MVK: variants seen among roughly 807,000 people sequenced by gnomAD.
The protein encoded by MVK is mevalonate kinase.
A neutral mutation model predicts 43.2 loss-of-function variants in MVK; 34 were observed. That is an observed-to-expected ratio of 0.79 (90% CI 0.60 to 1.05). The LOEUF is 1.05. MVK is among the 50% of genes least tolerant of loss of function. MVK has a pLI of 0.00. For missense variants in MVK, 395 were observed against 504.0 expected (o/e 0.78, Z 2.07); for synonymous variants, 190 against 219.8 (o/e 0.86, Z 1.20).
rs78185249 is a variant in MVK, at chr12:109,576,251, G to A, written c.226+106G>A. On this transcript the variant is annotated intron_variant, in intron 3 of 10. Coordinates refer to ENST00000228510, the MANE Select transcript of MVK (RefSeq NM_000431.4). The stretch of plus-strand genomic sequence containing the variant: ...GGGAGCCAGGGGCCAGCTATTTCCC[G>A]GGTGTTTTCTACCCTGACCTCATAA... The A allele has an allele frequency of 2.3e-3, 3,337 of 1,428,354 alleles. 85 individuals carry two copies. The African/African-American group carries it at 0.043, about 18-fold the overall frequency. 88.5% of individuals were successfully genotyped at this position (1,428,354 alleles called of 1,614,324 possible).
chr12:109,579,234 G>T, intron 3 of MVK: 1 of 445,358 alleles, frequency 2.2e-6, no homozygotes, highest in Non-Finnish European at 4.5e-6. Flanking sequence ...CAACCTCCTG[G>T]GCTCAAGCGA....
At chr12:109,582,023 G>T (rs1885239876) in intron 5 of MVK, among the ~76,000 whole-genome samples, 1 of 152,202 alleles carries the variant, frequency 6.6e-6, no homozygotes, top group Non-Finnish European at 1.5e-5. Context: ...ACATTAGGGG[G>T]TGTGCCCATT....
chr12:109,591,523 AT>A (rs561417529), intron 9 of MVK, among the ~76,000 whole-genome samples, 166 bp downstream of exon 9: 1 of 152,222 alleles, frequency 6.6e-6, no homozygotes, highest in Non-Finnish European at 1.5e-5. Flanking sequence ...TGCGTGCCAT[AT>A]AAGCGTATCT....
intron 5 of MVK, among the ~76,000 whole-genome samples, chr12:109,582,402 T>C (rs1213670557): frequency 6.6e-6 from 1 of 152,142 alleles, no homozygotes; most frequent in African/African-American, 2.4e-5. Flanking sequence ...AGTGGTGTGA[T>C]CTTGGCTCAC....
chr12:109,596,981 A>C lies in MVK; in HGVS notation c.*404A>C, dbSNP rs907709637. ...GTGCCTTCTCTCTCCCTTTTCAGGGACCGCCCCCTGTCTCTCAGGGCCAGG... is the reference window on the plus strand; with the variant it reads ...GTGCCTTCTCTCTCCCTTTTCAGGGCCCGCCCCCTGTCTCTCAGGGCCAGG... On this transcript the variant is annotated 3_prime_UTR_variant, in exon 11 of 11. Transcript: ENST00000228510. 3.5e-6 allele frequency: 1 copy of C among 282,476 alleles called. No homozygotes were observed. The highest frequency in any genetic ancestry group is 3.5e-5 in the South Asian group (1 of 28,580). 17.5% of individuals were successfully genotyped at this position (282,476 alleles called of 1,614,324 possible). A position where few individuals can be genotyped will look rare whatever the true frequency, so the allele number is the denominator to read the frequency against.
At chr12:109,581,973 A>G (rs1206426480) in intron 5 of MVK, among the ~76,000 whole-genome samples, 1 of 152,212 alleles carries the variant, frequency 6.6e-6, no homozygotes, top group South Asian at 2.1e-4. Flanking sequence ...CAGTTTTACC[A>G]CATGGTTATG....
chr12:109,575,677 C>G (rs565917829), intron 2 of MVK, among the ~76,000 whole-genome samples: 14 of 152,286 alleles, frequency 9.2e-5, no homozygotes, highest in African/African-American at 3.4e-4. Flanking sequence ...TATGAGCCAC[C>G]ACACCTGGCT....
In MVK at chr12:109,576,325, A is replaced by G. The variant is rs60942603; in HGVS notation, c.226+180A>G. Among the ~76,000 whole-genome samples the G allele has an allele frequency of 0.014, 2,101 of 152,294 alleles. 50 individuals carry two copies. Among genetic ancestry groups the G allele is most frequent in the African/African-American group, 0.049 (2,030 of 41,550 alleles). ...TTTTAAAATTTATAGGTGTAAAACA[A>G]TGCATTGGATCTCTGTGGGCTGTTG... On this transcript the variant is annotated intron_variant, in intron 3 of 10. Transcript: ENST00000228510.
chr12:109,581,026 A>G (rs1885192984), intron 4 of MVK, among the ~76,000 whole-genome samples: 1 of 152,052 alleles, frequency 6.6e-6, no homozygotes. Context: ...TCTCTGTGGG[A>G]TAAGGAGGTG....
intron 6 of MVK, among the ~76,000 whole-genome samples, chr12:109,586,552 G>A (rs187137477): frequency 1.4e-4 from 21 of 152,316 alleles, no homozygotes; most frequent in Admixed American, 9.1e-4. Context: ...AGGAATCCAA[G>A]GCCTGGCAAG....
Position 109,581,550 on chromosome 12 carries a change from G to A in MVK, c.527G>A (p.Arg176Lys). Residue 176 changes from arginine (R) to lysine (K), a missense_variant and splice_region_variant, in exon 5 of 11, where the codon AGG (arginine) becomes AAG (lysine). Physicochemically the swap from Arg to Lys is conservative, Grantham distance 26. Coordinates refer to ENST00000228510, the MANE Select transcript of MVK (RefSeq NM_000431.4). ...CTGAAGGACGGGGATTGCGTCAACA[G>A]GTAACCATGGTCCTTACCTGGCCAG... ...NPLKDGDCVN[R>K]WTKEDLELIN... The A allele has an allele frequency of 6.2e-7, 1 of 1,614,218 alleles. No homozygotes were observed. Among genetic ancestry groups the A allele is most frequent in the Non-Finnish European group, 8.5e-7 (1 of 1,180,018 alleles).
At chr12:109,586,641 C>A (rs917258290) in intron 6 of MVK, 113 bp from the exon 7 acceptor site, 1 of 1,168,496 alleles carries the variant, frequency 8.6e-7, no homozygotes, top group Admixed American at 1.7e-5. Flanking sequence ...CATTACTTAG[C>A]CTCTTTCCTG....
intron 2 of MVK, among the ~76,000 whole-genome samples, chr12:109,575,699 T>G (rs895335685): frequency 2.6e-5 from 4 of 152,210 alleles, no homozygotes; most frequent in Non-Finnish European, 5.9e-5. Flanking sequence ...CTCACTGCTA[T>G]TCTTTATGTT....
chr12:109,584,808 C>T (rs1396354479), intron 5 of MVK, among the ~76,000 whole-genome samples: 2 of 152,170 alleles, frequency 1.3e-5, no homozygotes, highest in Admixed American at 1.3e-4. Flanking sequence ...TCGCTTGAAC[C>T]CAGGAGGCAG....
intron 3 of MVK, among the ~76,000 whole-genome samples, chr12:109,579,014 T>G (rs1191673682): frequency 1.3e-5 from 2 of 152,238 alleles, no homozygotes; most frequent in Non-Finnish European, 1.5e-5. Context: ...TTTTGGGGGT[T>G]AACTTAACAC....
At chr12:109,581,294 G>C in intron 4 of MVK, 101 bp from the exon 5 acceptor site, 1 of 1,482,462 alleles carries the variant, frequency 6.7e-7, no homozygotes, top group Non-Finnish European at 9.4e-7. Flanking sequence ...GAGAAAACTG[G>C]ACCAGATGCT....
At chr12:109,582,315 TTTTTGTTTG>T (rs199909989) in intron 5 of MVK, among the ~76,000 whole-genome samples, 19,961 of 151,392 alleles carry the variant, frequency 0.13, 1,585 homozygotes, top group Non-Finnish European at 0.18. Flanking sequence ...GAGCTTGGTT[TTTTTGTTTG>T]TTTGTTTGTT....
chr12:109,587,369 C>T (rs1433902213), intron 7 of MVK, among the ~76,000 whole-genome samples: 4 of 152,326 alleles, frequency 2.6e-5, no homozygotes, highest in Non-Finnish European at 4.4e-5. Context: ...GTGTCCCTCC[C>T]GCTGGAATCA....
In MVK at chr12:109,596,499, C is replaced by T. The variant is rs763915542; in HGVS notation, c.1113C>T (p.Ser371=). ...GTGGCTTTGACTGCTTGGAAACCAG[C>T]ATCGGTGCCCCCGGCGTCTCCATCC... is the stretch of plus-strand genomic sequence containing the variant. ...TSCGFDCLET[S]IGAPGVSIHS... is the part of the protein sequence containing the mutation. Residue 371 remains serine, a synonymous_variant, in exon 11 of 11, where the codon AGC becomes AGT. Coordinates refer to ENST00000228510, the MANE Select transcript of MVK (RefSeq NM_000431.4). 4.3e-6 allele frequency: 7 copies of T among 1,613,344 alleles called. No homozygotes were observed. The East Asian group carries it at 1.6e-4, about 36-fold the overall frequency.
Sources: gnomAD v4.1 joint callset for allele counts (sites outside exome capture counted in the v4.1 genomes callset) on GRCh38, gnomAD v4.1.1 for gene constraint, MANE v1.5 for transcripts, NCBI Gene and HGNC (gene_info 2026-07-23, HGNC 2026-07-21) for gene names.